EVI5: variants seen among roughly 807,000 people sequenced by gnomAD.
EVI5 encodes ecotropic viral integration site 5 protein homolog.
EVI5 carries 73 observed loss-of-function variants against 112.0 expected under a neutral mutation model. That is an observed-to-expected ratio of 0.65 (90% CI 0.54 to 0.79). The LOEUF is 0.79. Ranked by LOEUF, EVI5 falls within the 30% of genes least tolerant of loss-of-function variation. The probability of loss-of-function intolerance (pLI) is 0.00; values close to 1 mark genes in which losing one functional copy is unlikely to be tolerated. For synonymous variants in EVI5, 305 were observed against 319.9 expected (o/e 0.95, Z 0.50); for missense variants, 900 against 968.8 (o/e 0.93, Z 0.94).
At chr1:92,730,198 C>T (rs554486563) in intron 2 of EVI5, among the ~76,000 whole-genome samples, 1 of 151,768 alleles carries the variant, frequency 6.6e-6, no homozygotes, top group Non-Finnish European at 1.5e-5. Context: ...AACCCCATCT[C>T]TACAAAAAAG....
intron 19 of EVI5, among the ~76,000 whole-genome samples, chr1:92,556,132 T>C (rs945023536): frequency 1.3e-5 from 2 of 151,480 alleles, no homozygotes; most frequent in Admixed American, 6.6e-5. Context: ...GGTGTGATCT[T>C]GGCTCACTGC....
upstream of EVI5, among the ~76,000 whole-genome samples, chr1:92,789,835 G>T (rs921289299): frequency 1.3e-5 from 2 of 151,974 alleles, no homozygotes; most frequent in African/African-American, 4.8e-5. Context: ...CCTCTGAAAG[G>T]CAAAAAACAA....
chr1:92,690,278 A>AT (rs1359583521), intron 9 of EVI5, among the ~76,000 whole-genome samples: 2 of 152,166 alleles, frequency 1.3e-5, no homozygotes, highest in Non-Finnish European at 2.9e-5. Flanking sequence ...TGTAAGAAGA[A>AT]TAACATTTTT....
At chr1:92,752,447 T>C (rs911082578) in intron 1 of EVI5, among the ~76,000 whole-genome samples, 1 of 152,128 alleles carries the variant, frequency 6.6e-6, no homozygotes, top group Non-Finnish European at 1.5e-5. Context: ...AGTGCTGGGA[T>C]TACAGGCGTG....
chr1:92,727,662 A>C (rs575914195), intron 2 of EVI5, among the ~76,000 whole-genome samples: 127 of 152,354 alleles, frequency 8.3e-4, no homozygotes, highest in Non-Finnish European at 1.6e-3. Flanking sequence ...TTAAAAGACA[A>C]AGATTGTCAG....
At chr1:92,711,076 T>A (rs1161416137) in intron 2 of EVI5, among the ~76,000 whole-genome samples, 4 of 152,138 alleles carry the variant, frequency 2.6e-5, no homozygotes, top group Non-Finnish European at 4.4e-5. Context: ...AGCTTGTGTA[T>A]GGCAGCATGC....
chr1:92,606,674 A>G (rs952220913), intron 17 of EVI5, among the ~76,000 whole-genome samples: 6 of 152,160 alleles, frequency 3.9e-5, no homozygotes, highest in African/African-American at 1.2e-4. Flanking sequence ...TTGGTTTTTA[A>G]TGTCACCAGA....
intron 1 of EVI5, among the ~76,000 whole-genome samples, chr1:92,778,606 AC>A (rs1684461205): frequency 6.6e-6 from 1 of 152,180 alleles, no homozygotes; most frequent in African/African-American, 2.4e-5. Flanking sequence ...GGAAAATATG[AC>A]TGGGACAAAA....
chr1:92,599,722 T>G (rs1455287375), intron 18 of EVI5, among the ~76,000 whole-genome samples: 1 of 152,108 alleles, frequency 6.6e-6, no homozygotes, highest in Admixed American at 6.5e-5. Flanking sequence ...TTTAGGAAGA[T>G]GCAGCAACAT....
intron 6 of EVI5, among the ~76,000 whole-genome samples, chr1:92,696,233 T>C (rs529029136): frequency 2.0e-5 from 3 of 152,140 alleles, no homozygotes; most frequent in Admixed American, 6.6e-5. Flanking sequence ...CGTCCAGCCA[T>C]AAATGACACA....
At chr1:92,532,525 A>G (rs1272020438) in intron 19 of EVI5, among the ~76,000 whole-genome samples, 1 of 152,210 alleles carries the variant, frequency 6.6e-6, no homozygotes, top group Admixed American at 6.5e-5. Context: ...AATTGACCAC[A>G]TAGTTGGAAG....
At chr1:92,612,484 G>A (rs1220920481) in intron 16 of EVI5, among the ~76,000 whole-genome samples, 1 of 152,054 alleles carries the variant, frequency 6.6e-6, no homozygotes, top group Admixed American at 6.5e-5. Flanking sequence ...CGAGGCGGGA[G>A]GATCACTTGA....
rs199944072 is a variant in EVI5, at chr1:92,665,929, A to C, written c.1212+10T>G. The C allele has an allele frequency of 1.8e-4, 290 of 1,574,404 alleles. No homozygotes were observed. The highest frequency in any genetic ancestry group is 2.3e-4 in the Non-Finnish European group (268 of 1,153,046). ...TCAACAGAAGCTTGCATAAGTAGTC[A>C]CTTACTTACTTTTTCTAATGTCTCG... On this transcript the variant is annotated intron_variant, in intron 11 of 19. Transcript: ENST00000684568.
At chr1:92,638,795 C>G (rs1377591492) in intron 13 of EVI5, among the ~76,000 whole-genome samples, 28 of 151,868 alleles carry the variant, frequency 1.8e-4, no homozygotes, top group East Asian at 1.9e-4. Context: ...ATTACAGAGC[C>G]CATGTTCCTC....
intron 9 of EVI5, among the ~76,000 whole-genome samples, chr1:92,690,014 G>A (rs1669226896): frequency 6.6e-6 from 1 of 152,020 alleles, no homozygotes; most frequent in Admixed American, 6.6e-5. Context: ...TCAGCCTATG[G>A]AAAAGCCAGG....
At chr1:92,522,969 G>A (rs527460001) in intron 19 of EVI5, among the ~76,000 whole-genome samples, 1 of 152,150 alleles carries the variant, frequency 6.6e-6, no homozygotes, top group African/African-American at 2.4e-5. Flanking sequence ...CGGTTGCCCA[G>A]GCTGGTCTTT....
At chr1:92,526,502 G>A (rs993410339) in intron 19 of EVI5, among the ~76,000 whole-genome samples, 1 of 152,236 alleles carries the variant, frequency 6.6e-6, no homozygotes, top group Non-Finnish European at 1.5e-5. Context: ...ATGAAGAGCT[G>A]TTAAGCAGTT....
chr1:92,672,915 T>A (rs566913748), intron 10 of EVI5, among the ~76,000 whole-genome samples: 83 of 152,322 alleles, frequency 5.4e-4, no homozygotes, highest in Admixed American at 1.4e-3. Flanking sequence ...AGAATACACA[T>A]GGGCCTTAGA....
intron 2 of EVI5, among the ~76,000 whole-genome samples, chr1:92,709,821 C>T (rs974675967): frequency 6.6e-6 from 1 of 151,854 alleles, no homozygotes; most frequent in Admixed American, 6.6e-5. Flanking sequence ...TATTGCTAAA[C>T]GTGATGAGGA....
Sources: allele counts gnomAD v4.1 joint callset (sites outside exome capture counted in the v4.1 genomes callset), GRCh38; gene constraint gnomAD v4.1.1; transcripts MANE v1.5; gene names NCBI Gene and HGNC (gene_info 2026-07-23, HGNC 2026-07-21).